GALK2: variants seen among roughly 807,000 people sequenced by gnomAD.
GALK2 encodes N-acetylgalactosamine kinase.
A neutral mutation model predicts 52.4 loss-of-function variants in GALK2; 36 were observed. The ratio of observed to expected loss-of-function variants is 0.69; its 90% CI spans 0.53 to 0.91. The LOEUF is 0.91. Among genes scored for constraint, GALK2 ranks in the 40% least tolerant of loss-of-function variants. The pLI is 0.00. For missense variants in GALK2, 579 were observed against 559.1 expected (o/e 1.04, Z -0.36); for synonymous variants, 176 against 199.1 (o/e 0.88, Z 0.98).
chr15:49,166,786 A>G (rs940814053), upstream of GALK2, among the ~76,000 whole-genome samples: 1 of 152,252 alleles, frequency 6.6e-6, no homozygotes, highest in African/African-American at 2.4e-5. Flanking sequence ...ATTATTTACT[A>G]TAATGAGAAA....
chr15:49,240,421 T>A (rs1407153593), intron 5 of GALK2, among the ~76,000 whole-genome samples: 2 of 152,296 alleles, frequency 1.3e-5, no homozygotes, highest in African/African-American at 4.8e-5. Context: ...ATTGGAGATA[T>A]AATAAGTATA....
chr15:49,277,976 C>T (rs1376919476), intron 5 of GALK2, among the ~76,000 whole-genome samples: 2 of 151,620 alleles, frequency 1.3e-5, no homozygotes, highest in Non-Finnish European at 2.9e-5. Flanking sequence ...TTAAATCGGG[C>T]ATAGGGCTGG....
Position 49,301,926 on chromosome 15 carries a change from GA to G in GALK2, c.967+9396del, listed in dbSNP as rs1000745973. ...GAAGACACCTAGAGTCAATGGTAAA[GA>G]AAAAAAGAACAAAACAACTTGTTAT... is the stretch of plus-strand genomic sequence containing the variant. On this transcript the variant is annotated intron_variant, in intron 8 of 9. Coordinates refer to ENST00000560031, the MANE Select transcript of GALK2 (RefSeq NM_002044.4). Among the ~76,000 whole-genome samples the G allele has an allele frequency of 2.5e-4, 38 of 152,016 alleles. 1 individual carries two copies. Among genetic ancestry groups the G allele is most frequent in the Non-Finnish European group, 4.6e-4 (31 of 67,982 alleles).
chr15:49,263,528 G>A (rs1387573629), intron 5 of GALK2, among the ~76,000 whole-genome samples: 2 of 98,796 alleles, frequency 2.0e-5, no homozygotes, highest in African/African-American at 9.3e-5. Context: ...TATCCAATTT[G>A]CCAGTCTGTG....
chr15:49,346,298 A>T (rs749057526), intron 3 of GALK2, among the ~76,000 whole-genome samples: 1 of 152,200 alleles, frequency 6.6e-6, no homozygotes, highest in Non-Finnish European at 1.5e-5. Flanking sequence ...CTCTACCCTC[A>T]GGTTGTGCTA....
intron 3 of GALK2, among the ~76,000 whole-genome samples, chr15:49,355,180 C>T (rs1294812573): frequency 2.6e-5 from 4 of 152,008 alleles, no homozygotes; most frequent in South Asian, 2.1e-4. Context: ...AAAAGCAGAG[C>T]GCCTCTCCTC....
rs1308693132 is a variant in GALK2 at position 49,328,009 on chromosome 15, A to G, written c.1227A>G (p.Val409=). 3.7e-6 allele frequency: 6 copies of G among 1,613,982 alleles called. No homozygotes were observed. The highest frequency in any genetic ancestry group is 1.1e-5 in the South Asian group (1 of 91,082). The part of the protein sequence containing the change: ...LTGAGWGGCT[V]SMVPADKLPS... ...GAGCAGGATGGGGAGGCTGCACAGT[A>G]TCAATGGTACCTGCGGACAAGCTGC... The change falls in exon 10 of 10, where the codon GTA becomes GTG. Residue 409 remains valine (V), a synonymous_variant. Transcript: ENST00000560031.
chr15:49,184,458 C>T (rs2086206265), intron 1 of GALK2, among the ~76,000 whole-genome samples: 1 of 152,134 alleles, frequency 6.6e-6, no homozygotes, highest in Non-Finnish European at 1.5e-5. Flanking sequence ...GACTGGAGAG[C>T]TGAGTCCATT....
intron 2 of GALK2, among the ~76,000 whole-genome samples, chr15:49,205,050 A>G (rs1595656094): frequency 6.6e-6 from 1 of 152,174 alleles, no homozygotes; most frequent in Admixed American, 6.5e-5. Context: ...TTATGGCTGC[A>G]TAGTATTCCA....
intron 5 of GALK2, among the ~76,000 whole-genome samples, chr15:49,277,426 C>A (rs1316408475): frequency 6.9e-6 from 1 of 144,200 alleles, no homozygotes; most frequent in Non-Finnish European, 1.5e-5. Flanking sequence ...CCTCGGCCTC[C>A]CAAAGTGCTG....
intron 5 of GALK2, among the ~76,000 whole-genome samples, chr15:49,241,421 G>C (rs1334156583): frequency 1.3e-5 from 2 of 152,170 alleles, no homozygotes; most frequent in Admixed American, 6.5e-5. Flanking sequence ...AGTCCAGTAA[G>C]TATGAGAAAA....
chr15:49,247,073 C>G (rs1195785143), intron 5 of GALK2, among the ~76,000 whole-genome samples: 1 of 152,094 alleles, frequency 6.6e-6, no homozygotes, highest in Non-Finnish European at 1.5e-5. Flanking sequence ...GAGAAGTTCT[C>G]TCCGAGAAGA....
At chr15:49,354,672 C>T (rs1055294323) in intron 3 of GALK2, among the ~76,000 whole-genome samples, 1 of 152,336 alleles carries the variant, frequency 6.6e-6, no homozygotes, top group African/African-American at 2.4e-5. Context: ...GAGGGGCGCC[C>T]GCCATTGCCC....
chr15:49,176,177 C>A (rs1198596265), intron 1 of GALK2, among the ~76,000 whole-genome samples: 1 of 152,264 alleles, frequency 6.6e-6, no homozygotes. Context: ...ACCCATGTGC[C>A]AGGGGGCAAT....
chr15:49,265,180 G>T (rs974245150), intron 5 of GALK2, among the ~76,000 whole-genome samples: 1 of 152,206 alleles, frequency 6.6e-6, no homozygotes, highest in Non-Finnish European at 1.5e-5. Context: ...CAGAGGTGGA[G>T]CCTACAGAGG....
chr15:49,174,042 A>T lies in GALK2; in HGVS notation c.53+3667A>T, dbSNP rs930581015. Among the ~76,000 whole-genome samples the T allele has an allele frequency of 2.6e-5, 4 of 152,078 alleles. No homozygotes were observed. The East Asian group carries it at 7.8e-4, about 30-fold the overall frequency. ...GAGCCGCTGTGCCCCGGACTATTTC[A>T]CTGTTTTTAAGGGCTGAGAGTATTT... On this transcript the variant is annotated intron_variant, in intron 1 of 9. Transcript: ENST00000560031.
At chr15:49,204,217 T>C (rs1366272514) in intron 2 of GALK2, among the ~76,000 whole-genome samples, 1 of 152,144 alleles carries the variant, frequency 6.6e-6, no homozygotes. Context: ...ACCATAGTAT[T>C]ACTGTAGCTT....
chr15:49,202,097 G>A (rs1393302954), intron 2 of GALK2, among the ~76,000 whole-genome samples: 3 of 152,042 alleles, frequency 2.0e-5, no homozygotes, highest in Non-Finnish European at 2.9e-5. Context: ...TCTGCCTCCC[G>A]GGTTCAAGTG....
intron 3 of GALK2, chr15:49,366,671 C>G (rs1482398961): frequency 6.5e-7 from 1 of 1,527,436 alleles, no homozygotes; most frequent in East Asian, 2.2e-5. Context: ...GGACAGCCGC[C>G]GCTGCGGCCC....
Sources: allele counts gnomAD v4.1 joint callset (sites outside exome capture counted in the v4.1 genomes callset), GRCh38; gene constraint gnomAD v4.1.1; transcripts MANE v1.5; gene names NCBI Gene and HGNC (gene_info 2026-07-23, HGNC 2026-07-21).